SGCZ: variants seen among roughly 807,000 people sequenced by gnomAD.
SGCZ encodes zeta-sarcoglycan.
Under a neutral mutation model 41.3 loss-of-function variants are expected in SGCZ, and 40 were observed. That is an observed-to-expected ratio of 0.97 (90% CI 0.75 to 1.26). The LOEUF (loss-of-function observed/expected upper bound fraction) is 1.26. Among genes scored for constraint, SGCZ ranks in the 50% most tolerant of loss-of-function variants. The pLI is 0.00. For synonymous variants in SGCZ, 206 were observed against 137.5 expected, an observed-to-expected ratio of 1.50 and a Z score of -3.49; for missense variants, 552 against 369.8, an observed-to-expected ratio of 1.49 and a Z score of -4.04.
intron 2 of SGCZ, among the ~76,000 whole-genome samples, chr8:14,492,595 C>G (rs17119415): frequency 0.2 from 30,253 of 152,044 alleles, 3,064 homozygotes; most frequent in Admixed American, 0.23. Context: ...CTCAAATATT[C>G]TAGTCTCTAT....
intron 4 of SGCZ, among the ~76,000 whole-genome samples, chr8:14,212,840 T>C (rs1403640864): frequency 6.6e-6 from 1 of 151,888 alleles, no homozygotes; most frequent in East Asian, 1.9e-4. Flanking sequence ...CATATTAAAA[T>C]AGAAAATCTA....
chr8:14,331,104 A>G (rs978045307), intron 2 of SGCZ, among the ~76,000 whole-genome samples: 1 of 151,836 alleles, frequency 6.6e-6, no homozygotes, highest in Non-Finnish European at 1.5e-5. Context: ...TGAGGAAAAA[A>G]TCTTAAAGAC....
At chr8:14,795,156 G>T (rs1801083348) in intron 1 of SGCZ, among the ~76,000 whole-genome samples, 3 of 152,132 alleles carry the variant, frequency 2.0e-5, no homozygotes, top group Admixed American at 1.3e-4. Flanking sequence ...TGATTGAATG[G>T]TTAATTAAAA....
intron 1 of SGCZ, among the ~76,000 whole-genome samples, chr8:14,616,988 T>G (rs527777603): frequency 7.9e-4 from 120 of 152,222 alleles, no homozygotes; most frequent in Middle Eastern, 3.4e-3. Context: ...CACATTCCTT[T>G]AATATAATTT....
At chr8:14,573,732 G>A (rs551671545) in intron 1 of SGCZ, among the ~76,000 whole-genome samples, 1 of 152,256 alleles carries the variant, frequency 6.6e-6, no homozygotes, top group East Asian at 1.9e-4. Context: ...GTAGTAAGTT[G>A]ATTTAATGAA....
rs566232371 is a variant in SGCZ, at chr8:14,085,379, C to T, written c.*5064G>A. 2.9e-4 allele frequency among the ~76,000 whole-genome samples: 44 copies of T among 151,796 alleles called. No individual in the cohort carries two copies. Among genetic ancestry groups the T allele is most frequent in the Admixed American group, 2.6e-4 (4 of 15,214 alleles). On this transcript the variant is annotated 3_prime_UTR_variant, in exon 8 of 8. Transcript: ENST00000382080. ...GACACTCAAACTCCAGATTACATAT[C>T]TCCATTGTTAATGAATGTCCTTGCC...
At chr8:14,934,990 C>A (rs1800038360) in intron 1 of SGCZ, among the ~76,000 whole-genome samples, 4 of 135,472 alleles carry the variant, frequency 3.0e-5, no homozygotes, top group Admixed American at 7.4e-5. Context: ...CCACAATAAA[C>A]AGCTTTTAAA....
At chr8:14,097,262 TTA>T in intron 7 of SGCZ, among the ~76,000 whole-genome samples, 1 of 152,204 alleles carries the variant, frequency 6.6e-6, no homozygotes, top group Non-Finnish European at 1.5e-5. Flanking sequence ...ACACAGTGCT[TTA>T]TGTGTGTCCC....
In SGCZ at chr8:14,726,311, CATATATATATATCTAT is replaced by C. The variant is rs1283656887; in HGVS notation, c.40-171401_40-171386del. Among the ~76,000 whole-genome samples the C allele has an allele frequency of 1.9e-3, 205 of 107,672 alleles. 9 individuals are homozygous for C. In the South Asian group the frequency reaches 0.043, roughly 23 times the overall value. 70.6% of individuals were successfully genotyped at this position (107,672 alleles called of 152,430 possible). A position where few individuals can be genotyped will look rare whatever the true frequency, so the allele number is the denominator to read the frequency against. On this transcript the variant is annotated intron_variant, in intron 1 of 7. Coordinates refer to ENST00000382080, the MANE Select transcript of SGCZ (RefSeq NM_139167.4). ...GTGTGTGTGTGTATATGTGTAAATA[CATATATATATATCTAT>C]ATATATATATATATAAAATTAGATA...
At chr8:14,966,240 A>T (rs1397757137) in intron 1 of SGCZ, among the ~76,000 whole-genome samples, 2 of 151,946 alleles carry the variant, frequency 1.3e-5, no homozygotes, top group Non-Finnish European at 2.9e-5. Context: ...AAACAGGGGA[A>T]ATATTGATGT....
chr8:14,551,429 T>A (rs67692103), intron 2 of SGCZ, among the ~76,000 whole-genome samples: 1 of 73,806 alleles, frequency 1.4e-5, no homozygotes, highest in Non-Finnish European at 2.6e-5. Context: ...ATTCAAATTT[T>A]CCTCTTCAAC....
At chr8:14,879,584 A>G (rs1804500942) in intron 1 of SGCZ, among the ~76,000 whole-genome samples, 1 of 106,736 alleles carries the variant, frequency 9.4e-6, no homozygotes, top group African/African-American at 4.3e-5. Flanking sequence ...ATACACACAC[A>G]CAGACACACA....
At chr8:14,973,368 T>A (rs569836613) in intron 1 of SGCZ, among the ~76,000 whole-genome samples, 19 of 152,252 alleles carry the variant, frequency 1.2e-4, no homozygotes, top group South Asian at 1.0e-3. Flanking sequence ...TTGGTACTTT[T>A]CCTTGCTGGT....
intron 1 of SGCZ, among the ~76,000 whole-genome samples, chr8:14,830,910 G>A (rs977176300): frequency 2.0e-5 from 3 of 152,082 alleles, no homozygotes; most frequent in Non-Finnish European, 4.4e-5. Flanking sequence ...GAGCTTTCTG[G>A]ATCAAAGAAA....
At chr8:14,697,658 C>T (rs1157814092) in intron 1 of SGCZ, among the ~76,000 whole-genome samples, 1 of 151,950 alleles carries the variant, frequency 6.6e-6, no homozygotes, top group Admixed American at 6.6e-5. Context: ...CTAGAACATG[C>T]TTGAGAATTT....
At chr8:14,140,619 T>TGAAA (rs1313504146) in intron 5 of SGCZ, among the ~76,000 whole-genome samples, 3 of 152,134 alleles carry the variant, frequency 2.0e-5, no homozygotes, top group African/African-American at 7.2e-5. Context: ...ATAAGGGATG[T>TGAAA]GAAAGACCTC....
chr8:14,534,588 G>A (rs907835679), intron 2 of SGCZ, among the ~76,000 whole-genome samples: 7 of 151,920 alleles, frequency 4.6e-5, no homozygotes, highest in Non-Finnish European at 8.8e-5. Flanking sequence ...TCATGATCTG[G>A]GACAGGAGAC....
At chr8:14,991,754 C>G (rs1007976932) in intron 1 of SGCZ, among the ~76,000 whole-genome samples, 1 of 151,554 alleles carries the variant, frequency 6.6e-6, no homozygotes, top group Non-Finnish European at 1.5e-5. Flanking sequence ...ACCCATCCTC[C>G]TCATCCAATC....
intron 1 of SGCZ, among the ~76,000 whole-genome samples, chr8:14,982,865 G>C (rs1391888356): frequency 6.6e-6 from 1 of 152,132 alleles, no homozygotes; most frequent in Non-Finnish European, 1.5e-5. Context: ...GCTACTGATC[G>C]TTCAAACTTT....
Sources: allele counts gnomAD v4.1 joint callset (sites outside exome capture counted in the v4.1 genomes callset), GRCh38; gene constraint gnomAD v4.1.1; transcripts MANE v1.5; gene names NCBI Gene and HGNC (gene_info 2026-07-23, HGNC 2026-07-21).